TBXAS1: variants seen among roughly 807,000 people sequenced by gnomAD.
TBXAS1 encodes the protein thromboxane A synthase 1, also known as thromboxane-A synthase.
In TBXAS1, 48 loss-of-function variants were observed where a neutral mutation model predicts 60.7. The observed-to-expected ratio is 0.79, with a 90% CI of 0.63 to 1.01. The LOEUF is 1.01. TBXAS1 is among the 50% of genes least tolerant of loss of function. The pLI, the probability that TBXAS1 is intolerant of heterozygous loss-of-function variation, is 0.00. For missense variants in TBXAS1, 685 were observed against 686.3 expected (o/e 1.00, Z 0.02); for synonymous variants, 287 against 269.7 (o/e 1.06, Z -0.63).
At position 139,911,339 on chromosome 7, in the gene TBXAS1, CG is replaced by C; in HGVS notation, c.333+19del. 5.0e-6 allele frequency: 8 copies of C among 1,598,732 alleles called. No homozygotes were observed. Among genetic ancestry groups the C allele is most frequent in the Non-Finnish European group, 6.9e-6 (8 of 1,166,110 alleles). ...ACAGAATGGTACGTAGTTTTCTTTC[CG>C]CATATAGATGGATGGGGAATTGTTC... On this transcript the variant is annotated intron_variant, in intron 4 of 12. Coordinates refer to ENST00000448866, the MANE Select transcript of TBXAS1 (RefSeq NM_001061.7).
intron 3 of TBXAS1, among the ~76,000 whole-genome samples, chr7:139,880,690 T>C (rs770733466): frequency 1.3e-5 from 2 of 152,230 alleles, no homozygotes; most frequent in African/African-American, 2.4e-5. Flanking sequence ...AGGATTTCCT[T>C]GTATGAATGT....
intron 5 of TBXAS1, among the ~76,000 whole-genome samples, chr7:139,938,243 C>T (rs953123753): frequency 1.1e-4 from 16 of 152,068 alleles, no homozygotes; most frequent in African/African-American, 3.1e-4. Context: ...TTAGATGCAG[C>T]GGTTGGCCAG....
intron 9 of TBXAS1, among the ~76,000 whole-genome samples, chr7:139,976,797 C>T (rs1344997996): frequency 6.6e-6 from 1 of 152,134 alleles, no homozygotes; most frequent in African/African-American, 2.4e-5. Context: ...CCATGAGGCA[C>T]AGATGCAAAT....
At chr7:139,826,920 A>T (rs777301345), upstream of TBXAS1, among the ~76,000 whole-genome samples, 3 of 151,508 alleles carry the variant, frequency 2.0e-5, no homozygotes, top group Non-Finnish European at 4.4e-5. Context: ...CCTTTCCCAG[A>T]CTCCCTGTTT....
Position 139,957,739 on chromosome 7 carries a change from T to C in TBXAS1, c.794T>C (p.Leu265Ser). ...AAACTCATTAGGAATGTGATTGCCTTGCGGGACCAGCAAGCTGCCGAAGAG... is the reference window on the plus strand; with the variant it reads ...AAACTCATTAGGAATGTGATTGCCTCGCGGGACCAGCAAGCTGCCGAAGAG... Reference protein sequence around the residue: ...FNKLIRNVIALRDQQAAEERR... With the variant: ...FNKLIRNVIASRDQQAAEERR... The change falls in exon 8 of 13, where the codon TTG becomes TCG. Residue 265 changes from leucine to serine, a missense_variant. Transcript: ENST00000448866. 1 of 1,614,122 alleles carries C rather than the reference T, an allele frequency of 6.2e-7. No individual in the cohort carries two copies. The highest frequency in any genetic ancestry group is 8.5e-7 in the Non-Finnish European group (1 of 1,180,030).
chr7:139,817,238 C>T (rs1319782640), intron 4 of TBXAS1, among the ~76,000 whole-genome samples: 11 of 151,726 alleles, frequency 7.2e-5, no homozygotes, highest in East Asian at 3.9e-4. Context: ...CTGTCTTTCT[C>T]GACAGCACTT....
At chr7:139,812,469 A>G (rs574626108) in intron 4 of TBXAS1, among the ~76,000 whole-genome samples, 3 of 152,352 alleles carry the variant, frequency 2.0e-5, no homozygotes, top group East Asian at 3.9e-4. Flanking sequence ...TCAGACAAAC[A>G]TAAGGAAGAA....
intron 3 of TBXAS1, among the ~76,000 whole-genome samples, chr7:139,905,057 T>TC (rs1804946048): frequency 9.3e-6 from 1 of 107,494 alleles, no homozygotes; most frequent in Non-Finnish European, 1.8e-5. Context: ...CTTTCTTTCT[T>TC]TCTCTCTCTC....
chr7:139,926,802 C>T (rs1439225105), intron 4 of TBXAS1, among the ~76,000 whole-genome samples: 1 of 151,904 alleles, frequency 6.6e-6, no homozygotes, highest in Non-Finnish European at 1.5e-5. Context: ...TGCCATATCC[C>T]ATTAGTTTTG....
intron 1 of TBXAS1, among the ~76,000 whole-genome samples, chr7:139,779,373 T>A (rs540393876): frequency 6.6e-6 from 1 of 152,300 alleles, no homozygotes; most frequent in East Asian, 1.9e-4. Context: ...GCCCCCATAA[T>A]CAATGCTACA....
chr7:139,813,444 G>A (rs1015804626), intron 4 of TBXAS1, among the ~76,000 whole-genome samples: 14 of 152,214 alleles, frequency 9.2e-5, no homozygotes, highest in African/African-American at 3.1e-4. Flanking sequence ...TCTGTTGTCC[G>A]CTTGACTGAG....
At chr7:140,015,390 A>G (rs1193783256) in intron 10 of TBXAS1, among the ~76,000 whole-genome samples, 1 of 152,188 alleles carries the variant, frequency 6.6e-6, no homozygotes, top group Non-Finnish European at 1.5e-5. Flanking sequence ...CAATCCTTCC[A>G]AAGCAGTTTG....
chr7:139,874,705 A>G (rs1305642960), intron 2 of TBXAS1, among the ~76,000 whole-genome samples: 2 of 151,106 alleles, frequency 1.3e-5, no homozygotes, highest in Non-Finnish European at 3.0e-5. Flanking sequence ...ACCCACCCCA[A>G]CTCATGAGTA....
chr7:139,781,499 A>G (rs972742524), intron 2 of TBXAS1, among the ~76,000 whole-genome samples: 6 of 152,156 alleles, frequency 3.9e-5, no homozygotes, highest in African/African-American at 1.4e-4. Context: ...CAGCAAGGTC[A>G]ACAGTGCTGC....
intron 9 of TBXAS1, among the ~76,000 whole-genome samples, chr7:139,979,206 C>T (rs1232112259): frequency 1.3e-5 from 2 of 152,166 alleles, no homozygotes; most frequent in East Asian, 3.9e-4. Context: ...AGGTCTCTGT[C>T]ACGGTGATGA....
intron 3 of TBXAS1, among the ~76,000 whole-genome samples, chr7:139,883,760 A>G (rs1390831116): frequency 5.3e-5 from 8 of 152,238 alleles, no homozygotes; most frequent in Admixed American, 5.2e-4. Flanking sequence ...GAACCTCAGT[A>G]AATAATATAT....
chr7:139,850,462 G>A lies in TBXAS1; in HGVS notation c.89+20983G>A, dbSNP rs1240078493. Among the ~76,000 whole-genome samples, 5 of 152,306 alleles carry A rather than the reference G, an allele frequency of 3.3e-5. No homozygotes were observed. In the East Asian group the frequency reaches 5.8e-4, roughly 18 times the overall value. ...CTCACATCCTCTGTGACCCTAGGGT[G>A]GTGTGGAAGATCCTTCCCCACCCAC... On this transcript the variant is annotated intron_variant, in intron 1 of 12. Transcript: ENST00000448866.
At chr7:139,878,235 GGAGA>G (rs373707574) in intron 3 of TBXAS1, among the ~76,000 whole-genome samples, 3 of 148,072 alleles carry the variant, frequency 2.0e-5, no homozygotes, top group Admixed American at 6.8e-5. Flanking sequence ...TAGAAGAGGG[GGAGA>G]GAGAGAGAGA....
At chr7:139,885,865 CCA>C (rs1228846073) in intron 3 of TBXAS1, among the ~76,000 whole-genome samples, 1 of 152,164 alleles carries the variant, frequency 6.6e-6, no homozygotes, top group Admixed American at 6.6e-5. Context: ...CAAATTAACT[CCA>C]GATACTAGTG....
Sources: gnomAD v4.1 joint callset for allele counts (sites outside exome capture counted in the v4.1 genomes callset) on GRCh38, gnomAD v4.1.1 for gene constraint, MANE v1.5 for transcripts, NCBI Gene and HGNC (gene_info 2026-07-23, HGNC 2026-07-21) for gene names.